ACOT12: variants seen among roughly 807,000 people sequenced by gnomAD.
ACOT12 encodes the protein acyl-CoA thioesterase 12, also known as acetyl-coenzyme A thioesterase.
Under a neutral mutation model 67.7 loss-of-function variants are expected in ACOT12, and 51 were observed. The ratio of observed to expected loss-of-function variants is 0.75; its 90% CI spans 0.60 to 0.95. The LOEUF is 0.95. Ranked by LOEUF, ACOT12 falls within the 40% of genes least tolerant of loss-of-function variation. ACOT12 has a pLI of 0.00. For synonymous variants in ACOT12, 251 were observed against 244.6 expected, an observed-to-expected ratio of 1.03 and a Z score of -0.24; for missense variants, 734 against 708.1, an observed-to-expected ratio of 1.04 and a Z score of -0.41.
chr5:81,323,083 G>GAAAAAAAAAAAAAAAAAAAA, the ACOT12 span, among the ~76,000 whole-genome samples: 2 of 104,072 alleles, frequency 1.9e-5, no homozygotes, highest in Non-Finnish European at 4.3e-5. Flanking sequence ...ATAGCAAAAA[G>GAAAAAAAAAAAAAAAAAAAA]AAAAAAAAAA....
At chr5:81,385,914 G>T (rs999865946) in intron 1 of ACOT12, 88 bp from the exon 2 acceptor site, 152 of 1,257,712 alleles carry the variant, frequency 1.2e-4, no homozygotes, top group Non-Finnish European at 1.8e-5. Flanking sequence ...TAAGTGCATT[G>T]ATTTTAGTCA....
the ACOT12 span, among the ~76,000 whole-genome samples, chr5:81,310,401 G>A: frequency 6.6e-6 from 1 of 151,952 alleles, no homozygotes; most frequent in African/African-American, 2.4e-5. Context: ...AAGAGGTAAA[G>A]CATTATGTTG....
At chr5:81,370,360 T>C (rs1760211907) in intron 3 of ACOT12, among the ~76,000 whole-genome samples, 1 of 152,212 alleles carries the variant, frequency 6.6e-6, no homozygotes, top group Non-Finnish European at 1.5e-5. Flanking sequence ...AAAACAGTTG[T>C]TATAACTGAA....
intron 3 of ACOT12, among the ~76,000 whole-genome samples, chr5:81,366,422 A>C (rs990118690): frequency 5.9e-5 from 9 of 152,220 alleles, no homozygotes; most frequent in African/African-American, 2.2e-4. Context: ...AACAACAATT[A>C]AATATAAGCA....
At chr5:81,355,254 T>C (rs1226627420) in intron 5 of ACOT12, among the ~76,000 whole-genome samples, 2 of 152,216 alleles carry the variant, frequency 1.3e-5, no homozygotes, top group Non-Finnish European at 2.9e-5. Context: ...ATAAACCCAT[T>C]ATGTAAGTAC....
intron 2 of ACOT12, among the ~76,000 whole-genome samples, chr5:81,379,099 G>T (rs1347276752): frequency 1.3e-5 from 2 of 152,164 alleles, no homozygotes; most frequent in Non-Finnish European, 2.9e-5. Context: ...ATCAATGATA[G>T]ACTGGATAAA....
At chr5:81,363,390 G>T (rs1157249466) in intron 4 of ACOT12, among the ~76,000 whole-genome samples, 1 of 152,090 alleles carries the variant, frequency 6.6e-6, no homozygotes, top group Admixed American at 6.5e-5. Flanking sequence ...TCTATAACAT[G>T]CAACTGCTTG....
rs1361411180 is a variant in ACOT12, at chr5:81,363,248, G to A, written c.360+540C>T. Among the ~76,000 whole-genome samples, 6 of 152,022 alleles carry A rather than the reference G, an allele frequency of 3.9e-5. No homozygotes were observed. In the East Asian group the frequency reaches 5.8e-4, roughly 15 times the overall value. On this transcript the variant is annotated intron_variant, in intron 4 of 14. Coordinates refer to ENST00000307624, the MANE Select transcript of ACOT12 (RefSeq NM_130767.3). The stretch of plus-strand genomic sequence containing the variant: ...GGATCTGGATCGTGTCCAGGCAGCC[G>A]GCTAGGCAAGCTCATCAGGCCAAAG...
At chr5:81,333,262 G>A (rs1322599180) in intron 12 of ACOT12, among the ~76,000 whole-genome samples, 3 of 152,170 alleles carry the variant, frequency 2.0e-5, no homozygotes, top group African/African-American at 7.2e-5. Context: ...GTGAGGACTG[G>A]TAAATCATAT....
intron 11 of ACOT12, among the ~76,000 whole-genome samples, chr5:81,341,674 C>G (rs2153847435): frequency 6.6e-6 from 1 of 152,234 alleles, no homozygotes; most frequent in South Asian, 2.1e-4. Flanking sequence ...CAGATCGGCC[C>G]TCAGGGAGCT....
Position 81,338,985 on chromosome 5 carries a change from G to C in ACOT12, c.1129-3084C>G, listed in dbSNP as rs544671418. ...AGTCCCAGCTACTTGGGAGGCTGAG[G>C]CACGAGAATCCCTGGAACCCAGGAG... On this transcript the variant is annotated intron_variant, in intron 11 of 14. Transcript: ENST00000307624. 1.3e-5 allele frequency among the ~76,000 whole-genome samples: 2 copies of C among 152,280 alleles called. 1 individual carries two copies.
intron 1 of ACOT12, among the ~76,000 whole-genome samples, chr5:81,386,653 C>T (rs1246734845): frequency 3.3e-5 from 5 of 152,100 alleles, no homozygotes; most frequent in Admixed American, 3.3e-4. Flanking sequence ...AACTTTTGAC[C>T]TCATTTTAGT....
intron 4 of ACOT12, among the ~76,000 whole-genome samples, chr5:81,361,137 T>G (rs1759895015): frequency 6.6e-6 from 1 of 150,622 alleles, no homozygotes; most frequent in East Asian, 1.9e-4. Context: ...AATATGCTGC[T>G]TAAAGTCCAA....
At position 81,330,527 on chromosome 5, in the gene ACOT12, T is replaced by C. The variant is rs767778920; in HGVS notation, c.1535A>G (p.His512Arg). The change falls in exon 15 of 15, where the codon CAT (histidine) becomes CGT (arginine). Residue 512 changes from histidine to arginine, a missense_variant. Physicochemically the swap from His to Arg is conservative, Grantham distance 29. Transcript: ENST00000307624. ...SNSCIVSYFN[H>R]MSASILPYFA... Reference sequence around the variant, plus strand: ...GTAAGGAAGGATGCTAGCAGACATATGGTTAAAGTAAGATACCTGTTTCAA... The same window carrying C: ...GTAAGGAAGGATGCTAGCAGACATACGGTTAAAGTAAGATACCTGTTTCAA... 26 of 1,613,850 alleles carry C rather than the reference T, an allele frequency of 1.6e-5. No individual in the cohort carries two copies. Among genetic ancestry groups the C allele is most frequent in the Non-Finnish European group, 2.2e-5 (26 of 1,179,916 alleles).
At chr5:81,322,600 A>C in the ACOT12 span, among the ~76,000 whole-genome samples, 3 of 152,182 alleles carry the variant, frequency 2.0e-5, no homozygotes, top group Non-Finnish European at 4.4e-5. Flanking sequence ...TTGAGGATAG[A>C]CCAAAAGGAG....
intron 1 of ACOT12, among the ~76,000 whole-genome samples, chr5:81,388,726 G>A (rs1269137612): frequency 6.6e-6 from 1 of 152,154 alleles, no homozygotes; most frequent in Non-Finnish European, 1.5e-5. Flanking sequence ...GTTTGGCTGT[G>A]TCCCCACCCA....
At chr5:81,326,735 T>C (rs1758683069), downstream of ACOT12, among the ~76,000 whole-genome samples, 1 of 152,176 alleles carries the variant, frequency 6.6e-6, no homozygotes, top group Non-Finnish European at 1.5e-5. Context: ...AGTGAGCAGT[T>C]ACACTGAATC....
At chr5:81,357,950 G>A (rs1452898456) in intron 5 of ACOT12, among the ~76,000 whole-genome samples, 11 of 146,600 alleles carry the variant, frequency 7.5e-5, no homozygotes, top group Non-Finnish European at 1.3e-4. Context: ...AGGTTGCAGT[G>A]AGCTGAGATT....
chr5:81,346,614 AGTC>A (rs2153849785), intron 6 of ACOT12, among the ~76,000 whole-genome samples: 1 of 152,334 alleles, frequency 6.6e-6, no homozygotes, highest in South Asian at 2.1e-4. Context: ...TTAGATTCCC[AGTC>A]ATCATTCAAT....
Sources: gnomAD v4.1 joint callset for allele counts (sites outside exome capture counted in the v4.1 genomes callset) on GRCh38, gnomAD v4.1.1 for gene constraint, MANE v1.5 for transcripts, NCBI Gene and HGNC (gene_info 2026-07-23, HGNC 2026-07-21) for gene names.